NPY2R: variants seen among roughly 807,000 people sequenced by gnomAD.
NPY2R encodes the protein neuropeptide Y receptor Y2.
In NPY2R, 17 loss-of-function variants were observed where a neutral mutation model predicts 22.3. The ratio of observed to expected loss-of-function variants is 0.76; its 90% confidence interval spans 0.52 to 1.14. The LOEUF (loss-of-function observed/expected upper bound fraction) is 1.14. Ranked by LOEUF, NPY2R falls within the 50% of genes most tolerant of loss-of-function variation. NPY2R has a pLI of 0.00. For missense variants in NPY2R, 424 were observed against 467.9 expected (o/e 0.91, Z 0.87); for synonymous variants, 209 against 183.4 (o/e 1.14, Z -1.13).
chr4:155,184,857 A>T, the NPY2R span, among the ~76,000 whole-genome samples: 7 of 151,674 alleles, frequency 4.6e-5, no homozygotes, highest in African/African-American at 1.7e-4. Flanking sequence ...AAAGCAGTCA[A>T]AATATTTGTT....
chr4:155,197,836 T>C, the NPY2R span, among the ~76,000 whole-genome samples: 2 of 151,956 alleles, frequency 1.3e-5, no homozygotes, highest in Non-Finnish European at 2.9e-5. Context: ...ATAGGTCCAT[T>C]TGAAAAACAC....
chr4:155,176,165 T>TA, the NPY2R span, among the ~76,000 whole-genome samples: 11 of 152,272 alleles, frequency 7.2e-5, no homozygotes, highest in African/African-American at 2.6e-4. Context: ...TTCCCTGCTA[T>TA]AAAAACCCCC....
chr4:155,201,475 C>A, the NPY2R span, among the ~76,000 whole-genome samples: 1 of 152,140 alleles, frequency 6.6e-6, no homozygotes, highest in Admixed American at 6.5e-5. Context: ...TCAGTTGATG[C>A]CACATGGATC....
At chr4:155,208,326 A>T (rs1308760781), upstream of NPY2R, 1 of 152,274 alleles carries the variant, frequency 6.6e-6, no homozygotes, top group African/African-American at 2.4e-5. This position sits in a 1 kb window ranked among gnomAD's most constrained non-coding sequence, Gnocchi z 5.6. Flanking sequence ...GCAGTCCCTC[A>T]GCCGCAGCTG....
chr4:155,194,163 T>C, the NPY2R span, among the ~76,000 whole-genome samples: 3 of 152,078 alleles, frequency 2.0e-5, no homozygotes, highest in African/African-American at 7.2e-5. Context: ...ACATTTTCGT[T>C]TGTGCAAGAT....
chr4:155,174,773 A>G, the NPY2R span, among the ~76,000 whole-genome samples: 13,152 of 151,866 alleles, frequency 0.087, 804 homozygotes, highest in East Asian at 0.27. Flanking sequence ...TGGAGAGTTC[A>G]GGAAAGAAAG....
chr4:155,189,730 A>C, the NPY2R span, among the ~76,000 whole-genome samples: 2 of 152,060 alleles, frequency 1.3e-5, no homozygotes, highest in East Asian at 1.9e-4. Context: ...TACCATCTAC[A>C]ACCAAACCAG....
intron 1 of NPY2R, among the ~76,000 whole-genome samples, chr4:155,209,880 T>C (rs578259597): frequency 1.3e-5 from 2 of 152,072 alleles, no homozygotes; most frequent in African/African-American, 4.8e-5. Flanking sequence ...TTTAAACATC[T>C]CTCCTCAAAG....
chr4:155,177,555 G>T, the NPY2R span, among the ~76,000 whole-genome samples: 8 of 152,116 alleles, frequency 5.3e-5, no homozygotes, highest in Admixed American at 3.9e-4. Flanking sequence ...TCCCAGGCTG[G>T]TGCTGCATGC....
chr4:155,200,903 C>T, the NPY2R span, among the ~76,000 whole-genome samples: 1 of 151,812 alleles, frequency 6.6e-6, no homozygotes, highest in Non-Finnish European at 1.5e-5. Flanking sequence ...TGCTAATGCA[C>T]GTGGGGCTTA....
At chr4:155,197,514 C>G in the NPY2R span, among the ~76,000 whole-genome samples, 3 of 151,870 alleles carry the variant, frequency 2.0e-5, no homozygotes, top group African/African-American at 7.3e-5. Flanking sequence ...TCTCTGTCAT[C>G]CTTGCTAGAG....
At chr4:155,201,350 T>C in the NPY2R span, among the ~76,000 whole-genome samples, 1 of 152,112 alleles carries the variant, frequency 6.6e-6, no homozygotes, top group Admixed American at 6.6e-5. Flanking sequence ...ATCCATGTTA[T>C]AAGTCTAAAT....
chr4:155,179,269 G>A, the NPY2R span, among the ~76,000 whole-genome samples: 62,136 of 151,530 alleles, frequency 0.41, 13,161 homozygotes, highest in East Asian at 0.69. Context: ...TCCTGGTTAT[G>A]GGCCATATTT....
At chr4:155,182,937 C>T in the NPY2R span, among the ~76,000 whole-genome samples, 1,186 of 152,124 alleles carry the variant, frequency 7.8e-3, 20 homozygotes, top group African/African-American at 0.027. Context: ...GGATTACAGG[C>T]GCCCATCACT....
chr4:155,216,245 ATAAT>A lies in NPY2R; in HGVS notation c.*1163_*1166del, dbSNP rs2111050226. On this transcript the variant is annotated 3_prime_UTR_variant, in exon 2 of 2. Coordinates refer to ENST00000329476, the MANE Select transcript of NPY2R (RefSeq NM_000910.4). ...ATAAGTTATTTGTCTTCTTTTCAAAATAATTAGCTATATTTTTATATAATATGAA... is the reference window on the plus strand; with the variant it reads ...ATAAGTTATTTGTCTTCTTTTCAAAATAGCTATATTTTTATATAATATGAA... The A allele has an allele frequency of 6.0e-6, 1 of 167,024 alleles. No homozygotes were observed. Among genetic ancestry groups the A allele is most frequent in the African/African-American group, 2.4e-5 (1 of 41,570 alleles). The allele number at this position is 167,024 out of a possible 1,614,324, so 10.3% of individuals were successfully genotyped here.
At chr4:155,184,280 T>C in the NPY2R span, among the ~76,000 whole-genome samples, 43 of 152,292 alleles carry the variant, frequency 2.8e-4, no homozygotes, top group African/African-American at 1.0e-3. Context: ...CCTACCCTGA[T>C]TGTCTCTACT....
the NPY2R span, among the ~76,000 whole-genome samples, chr4:155,189,255 A>G: frequency 1.2e-3 from 184 of 152,130 alleles, 2 homozygotes; most frequent in African/African-American, 4.3e-3. Context: ...ATCATCTTCA[A>G]TTATGCAGAT....
chr4:155,209,947 C>T (rs892469643), intron 1 of NPY2R, among the ~76,000 whole-genome samples: 6 of 152,048 alleles, frequency 3.9e-5, no homozygotes, highest in African/African-American at 1.5e-4. Context: ...GGGTGGTGGG[C>T]TGCTGGGGGA....
the NPY2R span, among the ~76,000 whole-genome samples, chr4:155,182,389 G>A: frequency 6.6e-6 from 1 of 152,116 alleles, no homozygotes; most frequent in African/African-American, 2.4e-5. Context: ...GATTTCAGAG[G>A]TAACACAAAA....
Sources: gnomAD v4.1 joint callset for allele counts (sites outside exome capture counted in the v4.1 genomes callset) on GRCh38, gnomAD v4.1.1 for gene constraint, Gnocchi (gnomAD v3.1) non-coding constraint, MANE v1.5 for transcripts, NCBI Gene and HGNC (gene_info 2026-07-23, HGNC 2026-07-21) for gene names.